Variants in FBXO38 observed in about 807,000 individuals in gnomAD.
FBXO38 encodes the protein F-box only protein 38.
FBXO38 carries 53 observed loss-of-function variants against 131.9 expected under a neutral mutation model. The observed-to-expected ratio is 0.40, with a 90% CI of 0.32 to 0.51. FBXO38 has a LOEUF of 0.51. FBXO38 is among the 20% of genes least tolerant of loss of function. The pLI is 0.53. For synonymous variants in FBXO38, 452 were observed against 505.6 expected (o/e 0.89, Z 1.42); for missense variants, 1,076 against 1,475.6 (o/e 0.73, Z 4.44).
chr5:148,411,618 G>A (rs1187195295), intron 9 of FBXO38, among the ~76,000 whole-genome samples: 1 of 152,040 alleles, frequency 6.6e-6, no homozygotes, highest in East Asian at 1.9e-4. Context: ...TACAATAATA[G>A]TTGTGGGTTT....
At chr5:148,393,556 A>G (rs764947744) in intron 1 of FBXO38, among the ~76,000 whole-genome samples, 13 of 152,082 alleles carry the variant, frequency 8.5e-5, no homozygotes, top group South Asian at 4.1e-4. Context: ...CCTTTGTTAT[A>G]TGAGGCTTCA....
chr5:148,392,591 G>T (rs1561511603), intron 1 of FBXO38, among the ~76,000 whole-genome samples: 1 of 150,724 alleles, frequency 6.6e-6, no homozygotes, highest in African/African-American at 2.4e-5. Context: ...TTGTGTGTGT[G>T]TGTGTGTGTG....
chr5:148,390,446 A>G (rs1375344079), intron 1 of FBXO38, among the ~76,000 whole-genome samples: 1 of 152,166 alleles, frequency 6.6e-6, no homozygotes, highest in Non-Finnish European at 1.5e-5. Flanking sequence ...GGCTTAGGGT[A>G]GGGGCCTCAC....
chr5:148,410,275 A>G (rs1752675260), intron 8 of FBXO38: 2 of 194,420 alleles, frequency 1.0e-5, no homozygotes, highest in African/African-American at 2.4e-5. Context: ...TGACTGAATC[A>G]TGGGGGTGGT....
rs762759601 is a variant in FBXO38, at chr5:148,427,764, G to T, written c.2470G>T (p.Gly824Trp). The change falls in exon 15 of 22, where the codon GGG (glycine) becomes TGG (tryptophan). Residue 824 changes from glycine (G) to tryptophan (W), a missense_variant. By Grantham distance (184) the Gly-to-Trp change is radical. This residue lies in a region of FBXO38 where 213 missense variants were observed against 225.2 expected (regional missense o/e 0.95). Transcript: ENST00000340253. The stretch of plus-strand genomic sequence containing the variant: ...TTCCTTTAGGACTCTGCCACAAGGG[G>T]GGTCTTCAGGCCCAGCACATGATGA... Reference protein sequence around the residue: ...AFSFRTLPQGGSSGPAHDERT... With the variant: ...AFSFRTLPQGWSSGPAHDERT... The T allele has an allele frequency of 5.0e-6, 8 of 1,612,244 alleles. No individual in the cohort carries two copies. Among genetic ancestry groups the T allele is most frequent in the Non-Finnish European group, 5.9e-6 (7 of 1,178,968 alleles).
At position 148,410,794 on chromosome 5, in the gene FBXO38, A is replaced by T. The variant is rs771948634; in HGVS notation, c.1093+29A>T. ...AGATTTATCCCATTTTAATTCCTAGAATTACTGTAAGAAATTTACTTGACA... is the reference window on the plus strand; with the variant it reads ...AGATTTATCCCATTTTAATTCCTAGTATTACTGTAAGAAATTTACTTGACA... On this transcript the variant is annotated intron_variant, in intron 9 of 21. Transcript: ENST00000340253. 3.2e-6 allele frequency: 5 copies of T among 1,570,930 alleles called. No homozygotes were observed. In the African/African-American group the frequency reaches 6.9e-5, roughly 22 times the overall value.
Position 148,427,394 on chromosome 5 carries a change from T to C in FBXO38, c.2100T>C (p.Val700=). Reference sequence around the variant, plus strand: ...CTGAAAAGAAAAAAAACAAGGATGTTTATCCCAGCTGCAGCAGCACCACCG... The same window carrying C: ...CTGAAAAGAAAAAAAACAAGGATGTCTATCCCAGCTGCAGCAGCACCACCG... ...DIPEKKKNKD[V]YPSCSSTTAS... is the part of the protein sequence containing the mutation. Residue 700 remains valine (V), a synonymous_variant, in exon 15 of 22, where the codon GTT becomes GTC. Transcript: ENST00000340253. The C allele has an allele frequency of 6.2e-7, 1 of 1,614,106 alleles. No homozygotes were observed. The highest frequency in any genetic ancestry group is 8.5e-7 in the Non-Finnish European group (1 of 1,180,016).
intron 1 of FBXO38, among the ~76,000 whole-genome samples, chr5:148,386,449 C>T (rs975671532): frequency 4.6e-5 from 7 of 152,014 alleles, no homozygotes; most frequent in African/African-American, 1.4e-4. Context: ...CCCCTGAAAT[C>T]GTGTATGTAT....
At position 148,425,510 on chromosome 5, in the gene FBXO38, C is replaced by A. The variant is rs775389737; in HGVS notation, c.1739-12C>A. The stretch of plus-strand genomic sequence containing the variant: ...GCAAAAAGTAACTGTTAGGCCTGTG[C>A]TTTTTTTTAAGGACCCAGTGGTCTT... On this transcript the variant is annotated splice_polypyrimidine_tract_variant and intron_variant, in intron 13 of 21. Coordinates refer to ENST00000340253, the MANE Select transcript of FBXO38 (RefSeq NM_205836.3). 1.9e-6 allele frequency: 3 copies of A among 1,599,390 alleles called. No homozygotes were observed. In the Admixed American group the frequency reaches 5.1e-5, roughly 27 times the overall value.
At chr5:148,414,332 A>G (rs374682053) in intron 10 of FBXO38, 26 bp downstream of exon 10, 77 of 1,532,550 alleles carry the variant, frequency 5.0e-5, no homozygotes, top group Admixed American at 9.8e-5. Flanking sequence ...AAATACAGCT[A>G]TGTTTTATTG....
chr5:148,412,229 T>C (rs1365616272), intron 9 of FBXO38, among the ~76,000 whole-genome samples: 1 of 152,220 alleles, frequency 6.6e-6, no homozygotes, highest in East Asian at 1.9e-4. Flanking sequence ...TTTAACCATT[T>C]CTTCCATATG....
intron 13 of FBXO38, among the ~76,000 whole-genome samples, chr5:148,425,038 C>T (rs546736281): frequency 3.3e-5 from 5 of 152,192 alleles, no homozygotes; most frequent in African/African-American, 7.2e-5. Context: ...GTATCTGCTA[C>T]ATCTAATGAG....
At chr5:148,392,849 G>A (rs576211867) in intron 1 of FBXO38, among the ~76,000 whole-genome samples, 1 of 152,200 alleles carries the variant, frequency 6.6e-6, no homozygotes, top group African/African-American at 2.4e-5. Context: ...TGGATTTGTT[G>A]ACTACATGTT....
At chr5:148,417,797 A>G (rs185848730) in intron 12 of FBXO38, among the ~76,000 whole-genome samples, 1 of 152,146 alleles carries the variant, frequency 6.6e-6, no homozygotes, top group African/African-American at 2.4e-5. Context: ...CCTTCTGTTG[A>G]TGAGTGAAGT....
At chr5:148,409,445 G>T (rs985804799) in intron 8 of FBXO38, among the ~76,000 whole-genome samples, 2 of 152,192 alleles carry the variant, frequency 1.3e-5, no homozygotes, top group African/African-American at 4.8e-5. Context: ...CTCCAGAGTG[G>T]CATGGTCTCA....
Position 148,414,231 on chromosome 5 carries a change from G to T in FBXO38, c.1189G>T (p.Glu397Ter). Residue 397 changes from glutamate to a stop codon, truncating the protein, a stop_gained, in exon 10 of 22, where the codon GAA becomes TAA. Coordinates refer to ENST00000340253, the MANE Select transcript of FBXO38 (RefSeq NM_205836.3). LOFTEE classifies it high-confidence loss of function. ...TGATATAGGGATGAAAGCAGTCAAT[G>T]AAGTTTTTTCCTGTATCAAATATCT... is the stretch of plus-strand genomic sequence containing the variant. ...ITDIGMKAVN[E>*]VFSCIKYLAI... 1 of 1,612,806 alleles carries T rather than the reference G, an allele frequency of 6.2e-7. No individual in the cohort carries two copies. Among genetic ancestry groups the T allele is most frequent in the African/African-American group, 1.3e-5 (1 of 74,908 alleles).
intron 1 of FBXO38, among the ~76,000 whole-genome samples, 162 bp downstream of exon 1, chr5:148,384,201 G>T (rs1447611827): frequency 6.6e-6 from 1 of 152,190 alleles, no homozygotes; most frequent in Non-Finnish European, 1.5e-5. Flanking sequence ...AGAGATCAGG[G>T]GTTGAATTTG....
intron 7 of FBXO38, among the ~76,000 whole-genome samples, chr5:148,407,970 G>A (rs1752534240): frequency 6.6e-6 from 1 of 151,904 alleles, no homozygotes; most frequent in Admixed American, 6.6e-5. Context: ...CTACAGAATG[G>A]GAGAAGCTGT....
At chr5:148,423,785 C>G (rs1357758701) in intron 12 of FBXO38, 1 of 325,514 alleles carries the variant, frequency 3.1e-6, no homozygotes, top group Non-Finnish European at 5.6e-6. Flanking sequence ...ACAAATGATC[C>G]TTTCCCATCT....
Sources: gnomAD v4.1 joint callset for allele counts (sites outside exome capture counted in the v4.1 genomes callset) on GRCh38, gnomAD v4.1.1 for gene constraint, gnomAD v4.1.1 regional missense constraint, MANE v1.5 for transcripts, NCBI Gene and HGNC (gene_info 2026-07-23, HGNC 2026-07-21) for gene names.